The following EYA4 variants were observed in gnomAD, a reference collection of about 807,000 sequenced individuals.
EYA4 encodes the protein protein phosphatase EYA4.
In EYA4, 31 loss-of-function variants were observed where a neutral mutation model predicts 87.9. That is an observed-to-expected ratio of 0.35 (90% CI 0.27 to 0.48). The LOEUF is 0.48. Ranked by LOEUF, EYA4 falls within the 20% of genes least tolerant of loss-of-function variation. EYA4 has a pLI of 0.99. For synonymous variants in EYA4, 263 were observed against 270.6 expected (o/e 0.97, Z 0.28); for missense variants, 678 against 761.4 (o/e 0.89, Z 1.29).
chr6:133,431,543 G>A (rs1473229801), intron 3 of EYA4, among the ~76,000 whole-genome samples: 1 of 152,204 alleles, frequency 6.6e-6, no homozygotes, highest in African/African-American at 2.4e-5. Context: ...GTTGATGCTA[G>A]TTGACTAATC....
intron 3 of EYA4, among the ~76,000 whole-genome samples, chr6:133,419,617 A>G (rs1194321846): frequency 2.0e-5 from 3 of 152,216 alleles, no homozygotes; most frequent in Admixed American, 6.5e-5. Flanking sequence ...GGAAGACAGC[A>G]TGTAGATACA....
intron 2 of EYA4, among the ~76,000 whole-genome samples, chr6:133,347,967 A>G (rs1460574634): frequency 6.6e-6 from 1 of 152,212 alleles, no homozygotes; most frequent in African/African-American, 2.4e-5. Flanking sequence ...TTTAAATGTT[A>G]TAAAGGGGAG....
Position 133,337,974 on chromosome 6 carries a change from A to G in EYA4, c.34-44418A>G, listed in dbSNP as rs113763020. On this transcript the variant is annotated intron_variant, in intron 2 of 19. Transcript: ENST00000355286. ...GGTGAAAGATTTACCCAACAGCTGT[A>G]GTTAGCCAAGGACCAGAAACTCTGT... 6.3e-4 allele frequency among the ~76,000 whole-genome samples: 96 copies of G among 152,320 alleles called. No homozygotes were observed. The Middle Eastern group carries it at 0.014, about 22-fold the overall frequency.
chr6:133,287,001 A>G lies in EYA4; in HGVS notation c.33+12188A>G, dbSNP rs574700277. Among the ~76,000 whole-genome samples, 20 of 152,248 alleles carry G rather than the reference A, an allele frequency of 1.3e-4. 1 individual carries two copies. The South Asian group carries it at 4.1e-3, about 32-fold the overall frequency. On this transcript the variant is annotated intron_variant, in intron 2 of 19. Coordinates refer to ENST00000355286, the MANE Select transcript of EYA4 (RefSeq NM_004100.5). ...GCACCCCCCTTCCTTTGTTGTGACA[A>G]TAAAAAATGTCTTGAGACATTGCCA...
Position 133,489,702 on chromosome 6 carries a change from G to A in EYA4, c.1191+6587G>A, listed in dbSNP as rs1311650121. On this transcript the variant is annotated intron_variant, in intron 13 of 19. Coordinates refer to ENST00000355286, the MANE Select transcript of EYA4 (RefSeq NM_004100.5). ...AACATGAAGGAGAAATACTTTCCCAGACAAACAAAAACTGAGTGATTTCAT... is the reference window on the plus strand; with the variant it reads ...AACATGAAGGAGAAATACTTTCCCAAACAAACAAAAACTGAGTGATTTCAT... Among the ~76,000 whole-genome samples the A allele has an allele frequency of 2.0e-5, 3 of 151,738 alleles. No individual in the cohort carries two copies. The East Asian group carries it at 5.8e-4, about 29-fold the overall frequency.
chr6:133,421,441 C>T (rs985329594), intron 3 of EYA4, among the ~76,000 whole-genome samples: 1 of 152,170 alleles, frequency 6.6e-6, no homozygotes, highest in South Asian at 2.1e-4. Context: ...GGGCGAGCCA[C>T]GATGTTTTGA....
At chr6:133,264,142 C>A (rs527677632) in intron 1 of EYA4, among the ~76,000 whole-genome samples, 5 of 152,194 alleles carry the variant, frequency 3.3e-5, no homozygotes, top group African/African-American at 1.2e-4. Flanking sequence ...GCTGACAGGG[C>A]GAGAGAATGG....
At chr6:133,487,387 C>T (rs1395638019) in intron 13 of EYA4, among the ~76,000 whole-genome samples, 1 of 152,180 alleles carries the variant, frequency 6.6e-6, no homozygotes, top group Admixed American at 6.5e-5. Flanking sequence ...CATGGTAAGA[C>T]ACCAGCCAGG....
At chr6:133,266,505 A>C (rs751112561) in intron 1 of EYA4, among the ~76,000 whole-genome samples, 2 of 152,170 alleles carry the variant, frequency 1.3e-5, no homozygotes, top group African/African-American at 2.4e-5. Context: ...TTGTTATAGG[A>C]GTCCTAGGAA....
chr6:133,272,525 C>T (rs748991836), intron 1 of EYA4, among the ~76,000 whole-genome samples: 2 of 152,172 alleles, frequency 1.3e-5, no homozygotes, highest in Non-Finnish European at 1.5e-5. Context: ...CTTGATGACT[C>T]GTAGTCAAAC....
At chr6:133,373,783 G>T (rs1229912090) in intron 2 of EYA4, among the ~76,000 whole-genome samples, 1 of 152,000 alleles carries the variant, frequency 6.6e-6, no homozygotes, top group Non-Finnish European at 1.5e-5. Context: ...GCACATTTGT[G>T]AGGAAAAAAA....
chr6:133,414,958 T>C (rs1008083060), intron 3 of EYA4, among the ~76,000 whole-genome samples: 8 of 152,148 alleles, frequency 5.3e-5, no homozygotes, highest in Non-Finnish European at 8.8e-5. Flanking sequence ...GAAATAAGCA[T>C]TTCTGGAGCC....
chr6:133,274,298 A>G (rs185369431), intron 1 of EYA4, among the ~76,000 whole-genome samples: 21 of 152,348 alleles, frequency 1.4e-4, no homozygotes, highest in Admixed American at 1.1e-3. Context: ...TTCCTGTAAG[A>G]GAAAGTTGTC....
rs75015869 is a variant in EYA4, at chr6:133,414,172, C to T, written c.83+31731C>T. ...ACCCCCATGGTGTGGTGCCTGCTGA[C>T]ATTTCCACCTTCTTCTCCGATCCTC... is the stretch of plus-strand genomic sequence containing the variant. On this transcript the variant is annotated intron_variant, in intron 3 of 19. Coordinates refer to ENST00000355286, the MANE Select transcript of EYA4 (RefSeq NM_004100.5). Among the ~76,000 whole-genome samples, 398 of 152,282 alleles carry T rather than the reference C, an allele frequency of 2.6e-3. 2 individuals carry two copies. The highest frequency in any genetic ancestry group is 0.014 in the Middle Eastern group (4 of 294).
intron 13 of EYA4, among the ~76,000 whole-genome samples, chr6:133,497,072 C>A (rs1341457654): frequency 2.0e-5 from 3 of 152,156 alleles, no homozygotes. Flanking sequence ...GTGCGCCTGG[C>A]CCTTGGCTGA....
chr6:133,311,731 T>C (rs1014297375), intron 2 of EYA4, among the ~76,000 whole-genome samples: 2 of 152,208 alleles, frequency 1.3e-5, no homozygotes, highest in South Asian at 4.1e-4. Context: ...GCCTGCATGG[T>C]CTGCTTCTCC....
chr6:133,318,444 T>C (rs1336524), intron 2 of EYA4, among the ~76,000 whole-genome samples: 67,189 of 151,972 alleles, frequency 0.44, 15,508 homozygotes, highest in Non-Finnish European at 0.53. Flanking sequence ...CAAAGACTTT[T>C]TCTTTGCTTG....
intron 3 of EYA4, among the ~76,000 whole-genome samples, chr6:133,445,703 G>C (rs562182401): frequency 1.3e-5 from 2 of 151,478 alleles, no homozygotes; most frequent in African/African-American, 4.8e-5. Context: ...CTCAGCCTCC[G>C]GAGTAGCTGG....
Position 133,529,964 on chromosome 6 carries a change from A to G in EYA4, c.*1159A>G, listed in dbSNP as rs75052704. On this transcript the variant is annotated 3_prime_UTR_variant, in exon 20 of 20. Transcript: ENST00000355286. ...AACTTTTTTAGAATGTGCCATGAAC[A>G]TGGCATAAAATTCACATTGAGTGCA... 1 of 985,464 alleles carries G rather than the reference A, an allele frequency of 1.0e-6. No homozygotes were observed. 61.0% of individuals were successfully genotyped at this position (985,464 alleles called of 1,614,324 possible).
Sources: gnomAD v4.1 joint callset for allele counts (sites outside exome capture counted in the v4.1 genomes callset) on GRCh38, gnomAD v4.1.1 for gene constraint, MANE v1.5 for transcripts, NCBI Gene and HGNC (gene_info 2026-07-23, HGNC 2026-07-21) for gene names.